The following ADIPOR2 variants were observed in gnomAD, a reference collection of about 807,000 sequenced individuals.
The protein encoded by ADIPOR2 is adiponectin receptor protein 2.
In ADIPOR2, 18 loss-of-function variants were observed where a neutral mutation model predicts 40.9. The ratio of observed to expected loss-of-function variants is 0.44; its 90% CI spans 0.30 to 0.65. ADIPOR2 has a LOEUF of 0.65. Among genes scored for constraint, ADIPOR2 ranks in the 30% least tolerant of loss-of-function variants. ADIPOR2 has a pLI of 0.09. For missense variants in ADIPOR2, 283 were observed against 479.2 expected, an observed-to-expected ratio of 0.59 and a Z score of 3.82; for synonymous variants, 165 against 166.4, an observed-to-expected ratio of 0.99 and a Z score of 0.06.
chr12:1,779,417 C>A lies in ADIPOR2; in HGVS notation c.464-1034C>A, dbSNP rs115511351. 2.4e-3 allele frequency among the ~76,000 whole-genome samples: 371 copies of A among 152,256 alleles called. 1 individual carries two copies. Among genetic ancestry groups the A allele is most frequent in the African/African-American group, 8.6e-3 (359 of 41,526 alleles). On this transcript the variant is annotated intron_variant, in intron 4 of 7. Coordinates refer to ENST00000357103, the MANE Select transcript of ADIPOR2 (RefSeq NM_024551.3). ...TTTGCTAAGTGAAAGAAGCCAGACA[C>A]AGAAGGTCACATGTCGTTTGATTCT... is the stretch of plus-strand genomic sequence containing the variant.
At chr12:1,735,650 G>C (rs1280453744) in intron 1 of ADIPOR2, among the ~76,000 whole-genome samples, 1 of 152,188 alleles carries the variant, frequency 6.6e-6, no homozygotes, top group Non-Finnish European at 1.5e-5. Flanking sequence ...GGAGTGGTGA[G>C]AGAGGGCATC....
intron 1 of ADIPOR2, among the ~76,000 whole-genome samples, chr12:1,743,229 C>CA (rs552711963): frequency 0.028 from 1,543 of 55,246 alleles, 63 homozygotes; most frequent in South Asian, 0.093. Context: ...CCATCTCTAC[C>CA]AAAAAAAAAA....
chr12:1,762,140 AC>A (rs1227053581), intron 2 of ADIPOR2, among the ~76,000 whole-genome samples: 1 of 152,174 alleles, frequency 6.6e-6, no homozygotes, highest in East Asian at 1.9e-4. Flanking sequence ...GAGTGTTGTT[AC>A]ACCCACACCT....
chr12:1,729,196 T>C (rs1055037251), intron 1 of ADIPOR2, among the ~76,000 whole-genome samples: 2 of 152,108 alleles, frequency 1.3e-5, no homozygotes, highest in South Asian at 4.1e-4. Flanking sequence ...CTGTCAGGAC[T>C]GAGGTTAATT....
Position 1,772,687 on chromosome 12 carries a change from A to G in ADIPOR2, c.172-155A>G, listed in dbSNP as rs538742578. ...CTAGTGTTCATTTTTAATACTAATA[A>G]TTCTATAATAAACTGACTTACTATA... On this transcript the variant is annotated intron_variant, in intron 2 of 7. Transcript: ENST00000357103. 8.4e-5 allele frequency: 75 copies of G among 893,748 alleles called. No individual in the cohort carries two copies. In the South Asian group the frequency reaches 2.0e-3, roughly 24 times the overall value. 55.4% of individuals were successfully genotyped at this position (893,748 alleles called of 1,614,324 possible). A position where few individuals can be genotyped will look rare whatever the true frequency, so the allele number is the denominator to read the frequency against.
intron 2 of ADIPOR2, among the ~76,000 whole-genome samples, chr12:1,764,370 A>C (rs186450392): frequency 1.3e-5 from 2 of 152,212 alleles, no homozygotes; most frequent in Admixed American, 6.5e-5. Context: ...GGTTTTATTT[A>C]GTGAAGCCAT....
intron 1 of ADIPOR2, among the ~76,000 whole-genome samples, chr12:1,744,673 G>A (rs2094751149): frequency 6.6e-6 from 1 of 151,946 alleles, no homozygotes; most frequent in African/African-American, 2.4e-5. Flanking sequence ...TATACTTTCT[G>A]GTAATAAAAG....
rs74059364 is a variant in ADIPOR2, at chr12:1,780,687, G to A, written c.650+50G>A. ...TTGGCCAATGATTTAGAGGTAGTGC[G>A]TTAGGGAAAAACATTCAGCAGAGTT... On this transcript the variant is annotated intron_variant, in intron 5 of 7. Coordinates refer to ENST00000357103, the MANE Select transcript of ADIPOR2 (RefSeq NM_024551.3). 30,921 of 1,466,536 alleles carry A rather than the reference G, an allele frequency of 0.021. 2,142 individuals are homozygous for A. The African/African-American group carries it at 0.21, about 10-fold the overall frequency. 90.8% of individuals were successfully genotyped at this position (1,466,536 alleles called of 1,614,324 possible).
chr12:1,781,151 C>T (rs1862710618), intron 6 of ADIPOR2, 75 bp downstream of exon 6: 1 of 1,401,904 alleles, frequency 7.1e-7, no homozygotes, highest in Non-Finnish European at 9.6e-7. Flanking sequence ...TAAAGTTCTA[C>T]CATTTGCCAA....
chr12:1,709,335 T>A (rs2094671345), intron 1 of ADIPOR2, among the ~76,000 whole-genome samples: 1 of 152,222 alleles, frequency 6.6e-6, no homozygotes, highest in Non-Finnish European at 1.5e-5. Flanking sequence ...TTATTGGATT[T>A]ATTCCTAATT....
chr12:1,764,076 T>C (rs899598108), intron 2 of ADIPOR2, among the ~76,000 whole-genome samples: 5 of 152,222 alleles, frequency 3.3e-5, no homozygotes, highest in African/African-American at 1.2e-4. Context: ...GTTTTAGTCC[T>C]GGCTGTACTG....
intron 1 of ADIPOR2, among the ~76,000 whole-genome samples, chr12:1,743,229 C>CAAAAAAAAAAAAAA (rs552711963): frequency 2.0e-4 from 11 of 55,260 alleles, no homozygotes; most frequent in East Asian, 5.3e-4. Context: ...CCATCTCTAC[C>CAAAAAAAAAAAAAA]AAAAAAAAAA....
At chr12:1,709,636 G>A (rs775429021) in intron 1 of ADIPOR2, among the ~76,000 whole-genome samples, 10 of 152,050 alleles carry the variant, frequency 6.6e-5, no homozygotes, top group East Asian at 1.9e-4. Flanking sequence ...TAAAATATAC[G>A]ATATTGGATA....
At chr12:1,728,548 C>T (rs2094712712) in intron 1 of ADIPOR2, among the ~76,000 whole-genome samples, 1 of 151,462 alleles carries the variant, frequency 6.6e-6, no homozygotes, top group Non-Finnish European at 1.5e-5. Context: ...TATGGTGAAA[C>T]CCCGTCTCTA....
Position 1,754,285 on chromosome 12 carries a change from T to C in ADIPOR2, c.-59T>C, listed in dbSNP as rs1463381945. 4.1e-6 allele frequency: 6 copies of C among 1,448,108 alleles called. No individual in the cohort carries two copies. Among genetic ancestry groups the C allele is most frequent in the Non-Finnish European group, 4.6e-6 (5 of 1,094,160 alleles). 89.7% of individuals were successfully genotyped at this position (1,448,108 alleles called of 1,614,324 possible). On this transcript the variant is annotated 5_prime_UTR_variant, in exon 2 of 8. Coordinates refer to ENST00000357103, the MANE Select transcript of ADIPOR2 (RefSeq NM_024551.3). The stretch of plus-strand genomic sequence containing the variant: ...TCAACTCACTATCCTGAAGGTCCAT[T>C]CTCCCAAGAAGAGGGGACAGAAAGA...
intron 1 of ADIPOR2, among the ~76,000 whole-genome samples, chr12:1,747,938 T>G (rs1250244491): frequency 1.3e-5 from 2 of 152,116 alleles, no homozygotes; most frequent in African/African-American, 4.8e-5. Flanking sequence ...TACATTGAGT[T>G]TCCTGGATGT....
chr12:1,737,952 C>CT (rs1431500655), intron 1 of ADIPOR2, among the ~76,000 whole-genome samples: 1 of 152,086 alleles, frequency 6.6e-6, no homozygotes, highest in Non-Finnish European at 1.5e-5. Context: ...ATGAAGGTCC[C>CT]TTTTTTTGAT....
In ADIPOR2 at chr12:1,788,571, TAGA is replaced by T. The variant is rs998300195; in HGVS notation, c.*2502_*2504del. 2 of 152,654 alleles carry T rather than the reference TAGA, an allele frequency of 1.3e-5. No homozygotes were observed. The highest frequency in any genetic ancestry group is 4.8e-5 in the African/African-American group (2 of 41,464). The allele number at this position is 152,654 out of a possible 1,614,324, so 9.5% of individuals were successfully genotyped here. A position where few individuals can be genotyped will look rare whatever the true frequency, so the allele number is the denominator to read the frequency against. On this transcript the variant is annotated 3_prime_UTR_variant, in exon 8 of 8. Coordinates refer to ENST00000357103, the MANE Select transcript of ADIPOR2 (RefSeq NM_024551.3). The stretch of plus-strand genomic sequence containing the variant: ...CCACAAAGCACATTTTTGGGGATCA[TAGA>T]AGGTTGGGGTTCCAGAAAGGCATCT...
At chr12:1,730,015 A>T (rs1160046653) in intron 1 of ADIPOR2, among the ~76,000 whole-genome samples, 1 of 152,180 alleles carries the variant, frequency 6.6e-6, no homozygotes, top group African/African-American at 2.4e-5. Context: ...CAACAAAAAA[A>T]GGTGAGGGAA....
Sources: gnomAD v4.1 joint callset for allele counts (sites outside exome capture counted in the v4.1 genomes callset) on GRCh38, gnomAD v4.1.1 for gene constraint, MANE v1.5 for transcripts, NCBI Gene and HGNC (gene_info 2026-07-23, HGNC 2026-07-21) for gene names.